The following AREL1 variants were observed in gnomAD, a reference collection of about 807,000 sequenced individuals.
AREL1 encodes the protein apoptosis-resistant E3 ubiquitin protein ligase 1.
In AREL1, 62 loss-of-function variants were observed where a neutral mutation model predicts 99.0. The observed-to-expected ratio is 0.63, with a 90% CI of 0.51 to 0.77. The LOEUF is 0.77. Ranked by LOEUF, AREL1 falls within the 30% of genes least tolerant of loss-of-function variation. The probability of loss-of-function intolerance (pLI) is 0.00; values close to 1 mark genes in which losing one functional copy is unlikely to be tolerated. For synonymous variants in AREL1, 380 were observed against 376.5 expected, an observed-to-expected ratio of 1.01 and a Z score of -0.11; for missense variants, 879 against 1,027.6, an observed-to-expected ratio of 0.86 and a Z score of 1.98.
intron 1 of AREL1, among the ~76,000 whole-genome samples, chr14:74,709,472 T>C (rs2090243246): frequency 6.6e-6 from 1 of 152,240 alleles, no homozygotes; most frequent in African/African-American, 2.4e-5. Flanking sequence ...CCACCAACCA[T>C]ACTTTACCTA....
rs956336871 is a variant in AREL1 at position 74,673,897 on chromosome 14, T to C, written c.1158+137A>G. ...CCATTTAGTGAGGAGATAATGATGCTTTATTTGGCAACGAATCCTGTGTAC... is the reference window on the plus strand; with the variant it reads ...CCATTTAGTGAGGAGATAATGATGCCTTATTTGGCAACGAATCCTGTGTAC... On this transcript the variant is annotated intron_variant, in intron 9 of 19. Coordinates refer to ENST00000356357, the MANE Select transcript of AREL1 (RefSeq NM_001039479.2). 4.7e-6 allele frequency: 3 copies of C among 645,064 alleles called. No individual in the cohort carries two copies. In the African/African-American group the frequency reaches 5.5e-5, roughly 12 times the overall value. The allele number at this position is 645,064 out of a possible 1,614,324, so 40.0% of individuals were successfully genotyped here.
chr14:74,682,227 A>C (rs1271082257), intron 5 of AREL1, among the ~76,000 whole-genome samples: 1 of 152,148 alleles, frequency 6.6e-6, no homozygotes, highest in Non-Finnish European at 1.5e-5. Flanking sequence ...AAAGAAAATT[A>C]AGGACTAGTC....
chr14:74,695,472 T>G (rs1408618666), intron 1 of AREL1, among the ~76,000 whole-genome samples: 1 of 152,114 alleles, frequency 6.6e-6, no homozygotes, highest in Non-Finnish European at 1.5e-5. Context: ...CTAGTTGTAA[T>G]ATAAGCTTTA....
At chr14:74,678,496 C>CAAA (rs112834498) in intron 5 of AREL1, among the ~76,000 whole-genome samples, 3 of 78,276 alleles carry the variant, frequency 3.8e-5, no homozygotes, top group African/African-American at 1.2e-4. Context: ...GACCCTGCCT[C>CAAA]AAAAAAAAAA....
intron 1 of AREL1, among the ~76,000 whole-genome samples, chr14:74,702,857 T>C (rs2090111207): frequency 6.6e-6 from 1 of 152,172 alleles, no homozygotes; most frequent in Non-Finnish European, 1.5e-5. Flanking sequence ...TGCTAAAGCA[T>C]AACAAGAGTG....
chr14:74,667,216 T>C (rs2089228077), intron 17 of AREL1, 103 bp downstream of exon 17: 4 of 1,354,602 alleles, frequency 3.0e-6, no homozygotes, highest in South Asian at 2.5e-5. Flanking sequence ...CTTGCATAAA[T>C]GGCTTTCCAG....
intron 1 of AREL1, among the ~76,000 whole-genome samples, chr14:74,709,298 T>G (rs923349544): frequency 2.0e-5 from 3 of 152,114 alleles, no homozygotes; most frequent in African/African-American, 7.2e-5. Context: ...AATGATACAC[T>G]AGAGTCCATT....
chr14:74,687,564 G>C (rs1033495293), intron 2 of AREL1, among the ~76,000 whole-genome samples: 2 of 152,168 alleles, frequency 1.3e-5, no homozygotes, highest in Non-Finnish European at 2.9e-5. Flanking sequence ...GCAGACTCTA[G>C]AGTTAGATTA....
chr14:74,670,943 C>G (rs539887374), intron 12 of AREL1, 72 bp from the exon 13 acceptor site: 58 of 1,180,448 alleles, frequency 4.9e-5, no homozygotes, highest in Non-Finnish European at 7.2e-5. Flanking sequence ...ATTGAGTCAT[C>G]ATTTTATACT....
At chr14:74,698,531 T>C (rs1418258757) in intron 1 of AREL1, among the ~76,000 whole-genome samples, 2 of 152,160 alleles carry the variant, frequency 1.3e-5, no homozygotes, top group African/African-American at 4.8e-5. Context: ...CTGGGCTACG[T>C]GATAAAAGCT....
chr14:74,709,882 C>G (rs1451741155), intron 1 of AREL1, among the ~76,000 whole-genome samples: 1 of 152,074 alleles, frequency 6.6e-6, no homozygotes, highest in African/African-American at 2.4e-5. Flanking sequence ...AATTTGATAC[C>G]AACTTAAATT....
intron 5 of AREL1, among the ~76,000 whole-genome samples, chr14:74,680,216 GAGAAA>G (rs367654486): frequency 6.7e-6 from 1 of 148,830 alleles, no homozygotes; most frequent in Non-Finnish European, 1.5e-5. Flanking sequence ...GAAAAGAAAA[GAGAAA>G]AGAAAAGAAA....
chr14:74,676,725 AT>A lies in AREL1; in HGVS notation c.508del (p.Ile170LeufsTer10). 1 of 1,610,848 alleles carries A rather than the reference AT, an allele frequency of 6.2e-7. No individual in the cohort carries two copies. Among genetic ancestry groups the A allele is most frequent in the Non-Finnish European group, 8.5e-7 (1 of 1,178,400 alleles). ...TACAAGAGTAGAAAAGTGGCACACA[AT>A]TTTGGTCTTAGAAGGAACCACCATT... ...PGMVVPSKTK[I>X]VCHFSTLVLT... On this transcript the variant is annotated frameshift_variant, in exon 6 of 20. Transcript: ENST00000356357. LOFTEE classifies it high-confidence loss of function.
At chr14:74,689,200 GTTCTGTAAGCATT>G (rs2089815650) in intron 2 of AREL1, among the ~76,000 whole-genome samples, 1 of 151,870 alleles carries the variant, frequency 6.6e-6, no homozygotes, top group Non-Finnish European at 1.5e-5. Flanking sequence ...TCTTACCTCT[GTTCTGTAAGCATT>G]TTCTGTAAGC....
At chr14:74,668,417 A>G (rs569132349) in intron 15 of AREL1, among the ~76,000 whole-genome samples, 1 of 152,298 alleles carries the variant, frequency 6.6e-6, no homozygotes, top group South Asian at 2.1e-4. Flanking sequence ...AGGGATTCTC[A>G]ATGGATCTAA....
In AREL1 at chr14:74,667,305, T is replaced by C. The variant is rs371878455; in HGVS notation, c.2103+14A>G. ...GCCAAGTTAAGAATGGGAGTCTGAA[T>C]TGCAATCACTTACCTCAAGCTCATT... On this transcript the variant is annotated intron_variant, in intron 17 of 19. Coordinates refer to ENST00000356357, the MANE Select transcript of AREL1 (RefSeq NM_001039479.2). 8.1e-6 allele frequency: 13 copies of C among 1,614,088 alleles called. No homozygotes were observed. The highest frequency in any genetic ancestry group is 1.3e-5 in the African/African-American group (1 of 75,032).
intron 17 of AREL1, among the ~76,000 whole-genome samples, chr14:74,666,122 G>A (rs1226657209): frequency 6.6e-6 from 1 of 152,208 alleles, no homozygotes; most frequent in South Asian, 2.1e-4. Flanking sequence ...GAAAATTACA[G>A]AAGATTTTGA....
At chr14:74,697,300 G>A (rs895547304) in intron 1 of AREL1, among the ~76,000 whole-genome samples, 4 of 152,156 alleles carry the variant, frequency 2.6e-5, no homozygotes, top group East Asian at 3.8e-4. Context: ...AAAGAAAGAC[G>A]TTTGTTTTGT....
At chr14:74,700,645 T>A (rs2090068294) in intron 1 of AREL1, among the ~76,000 whole-genome samples, 1 of 152,154 alleles carries the variant, frequency 6.6e-6, no homozygotes, top group Admixed American at 6.6e-5. Flanking sequence ...CCGGGCATGG[T>A]GGCACACGCC....
Sources: gnomAD v4.1 joint callset for allele counts (sites outside exome capture counted in the v4.1 genomes callset) on GRCh38, gnomAD v4.1.1 for gene constraint, MANE v1.5 for transcripts, NCBI Gene and HGNC (gene_info 2026-07-23, HGNC 2026-07-21) for gene names.